Variants in RNF19A observed in about 807,000 individuals in gnomAD.
The protein encoded by RNF19A is ring finger protein 19A, RBR E3 ubiquitin protein ligase, also known as E3 ubiquitin-protein ligase RNF19A.
Under a neutral mutation model 75.7 loss-of-function variants are expected in RNF19A, and 32 were observed. The observed-to-expected ratio is 0.42, with a 90% CI of 0.32 to 0.57. RNF19A has a LOEUF of 0.57. RNF19A is among the 20% of genes least tolerant of loss of function. The pLI is 0.10. For synonymous variants in RNF19A, 335 were observed against 345.2 expected (o/e 0.97, Z 0.33); for missense variants, 782 against 1,036.3 (o/e 0.75, Z 3.37).
chr8:100,305,878 C>T (rs1420510530), intron 1 of RNF19A, among the ~76,000 whole-genome samples: 3 of 152,142 alleles, frequency 2.0e-5, no homozygotes, highest in Admixed American at 6.5e-5. Context: ...CAATACGTGA[C>T]TTAGAAATCA....
chr8:100,282,121 G>C (rs901683307), intron 2 of RNF19A, among the ~76,000 whole-genome samples: 1 of 152,158 alleles, frequency 6.6e-6, no homozygotes, highest in Non-Finnish European at 1.5e-5. Flanking sequence ...CATTTTGGCT[G>C]CATATCCAAA....
intron 1 of RNF19A, chr8:100,309,636 CCGGGTAGG>C: frequency 1.1e-6 from 1 of 929,394 alleles, no homozygotes; most frequent in South Asian, 4.9e-5. Context: ...CGCGCCTGGG[CCGGGTAGG>C]GGACCCGGAG....
intron 1 of RNF19A, among the ~76,000 whole-genome samples, chr8:100,305,364 T>TC (rs1822023399): frequency 6.6e-6 from 1 of 152,256 alleles, no homozygotes; most frequent in Non-Finnish European, 1.5e-5. Context: ...GACACATCAA[T>TC]CAGTTAGAAA....
At chr8:100,295,594 A>T (rs1821518365) in intron 1 of RNF19A, among the ~76,000 whole-genome samples, 1 of 152,222 alleles carries the variant, frequency 6.6e-6, no homozygotes, top group Non-Finnish European at 1.5e-5. Context: ...GTCTTTGTGC[A>T]GCATTTACTA....
At chr8:100,292,136 T>A (rs1821327174) in intron 1 of RNF19A, among the ~76,000 whole-genome samples, 1 of 152,202 alleles carries the variant, frequency 6.6e-6, no homozygotes, top group Non-Finnish European at 1.5e-5. Context: ...TTAAATGCTG[T>A]ATTCTGTATT....
intron 2 of RNF19A, among the ~76,000 whole-genome samples, chr8:100,286,520 G>A (rs1453522581): frequency 6.6e-6 from 1 of 152,194 alleles, no homozygotes; most frequent in Non-Finnish European, 1.5e-5. Context: ...ATTGGGATTT[G>A]CACAGGCAGG....
At chr8:100,268,735 C>T (rs1820113215) in intron 5 of RNF19A, 50 bp downstream of exon 5, 1 of 1,204,564 alleles carries the variant, frequency 8.3e-7, no homozygotes, top group Non-Finnish European at 1.1e-6. Context: ...AAAGAATACA[C>T]CTAAAGATTT....
chr8:100,334,010 T>C (rs964699713), intron 1 of RNF19A, among the ~76,000 whole-genome samples: 1 of 152,242 alleles, frequency 6.6e-6, no homozygotes, highest in African/African-American at 2.4e-5. Context: ...TCCACCCTAG[T>C]TGGACTGGTC....
intron 1 of RNF19A, chr8:100,300,438 G>A (rs1441585156): frequency 1.3e-5 from 2 of 152,144 alleles, no homozygotes; most frequent in Non-Finnish European, 2.9e-5. Flanking sequence ...CAGATTACTC[G>A]AAATTAGGAG....
At chr8:100,328,043 A>G (rs1822558127) in intron 1 of RNF19A, among the ~76,000 whole-genome samples, 1 of 152,196 alleles carries the variant, frequency 6.6e-6, no homozygotes, top group Non-Finnish European at 1.5e-5. Flanking sequence ...TTTTATAAGA[A>G]TGGCTGTCTT....
intron 1 of RNF19A, among the ~76,000 whole-genome samples, chr8:100,292,433 T>TGGGGGGG (rs150468171): frequency 1.4e-5 from 2 of 140,620 alleles, no homozygotes; most frequent in African/African-American, 5.1e-5. Flanking sequence ...TGCTATCATA[T>TGGGGGGG]GGGTGTGTGT....
chr8:100,325,732 T>C lies in RNF19A; in HGVS notation c.-243+10376A>G, dbSNP rs1331594498. Among the ~76,000 whole-genome samples, 1 of 151,846 alleles carries C rather than the reference T, an allele frequency of 6.6e-6. No homozygotes were observed. Among genetic ancestry groups the C allele is most frequent in the Non-Finnish European group, 1.5e-5 (1 of 67,960 alleles). On this transcript the variant is annotated intron_variant, in intron 1 of 3. Coordinates refer to the RNF19A transcript ENST00000519527. This position sits in a 1 kb window ranked among gnomAD's most constrained non-coding sequence, Gnocchi z 4.3. ...TGCAGAAAATATCTGTGGATGTTTA[T>C]GGATGGTATATGTATTTATGTGTGA...
intron 1 of RNF19A, among the ~76,000 whole-genome samples, chr8:100,288,558 C>A (rs1821140636): frequency 6.6e-6 from 1 of 152,112 alleles, no homozygotes; most frequent in South Asian, 2.1e-4. Context: ...TTTAGCAGGT[C>A]TTTTTGTTGT....
chr8:100,290,595 G>A lies in RNF19A; in HGVS notation c.-93-2328C>T, dbSNP rs115601535. Among the ~76,000 whole-genome samples the A allele has an allele frequency of 4.9e-3, 747 of 152,062 alleles. 4 individuals are homozygous for A. The highest frequency in any genetic ancestry group is 0.027 in the Middle Eastern group (8 of 294). ...AAACAAACTTCACCTCATGTCCCTCGGTTTATATTTCCCTTCACAAACACA... is the reference window on the plus strand; with the variant it reads ...AAACAAACTTCACCTCATGTCCCTCAGTTTATATTTCCCTTCACAAACACA... On this transcript the variant is annotated intron_variant, in intron 1 of 9. Coordinates refer to ENST00000341084, the MANE Select transcript of RNF19A (RefSeq NM_183419.4).
At chr8:100,292,435 G>GGGGGGGGTGTGT in intron 1 of RNF19A, among the ~76,000 whole-genome samples, 1 of 145,432 alleles carries the variant, frequency 6.9e-6, no homozygotes, top group South Asian at 2.2e-4. Flanking sequence ...CTATCATATG[G>GGGGGGGGTGTGT]GTGTGTGTGT....
chr8:100,304,446 T>C (rs1404644421), intron 1 of RNF19A, among the ~76,000 whole-genome samples: 2 of 152,172 alleles, frequency 1.3e-5, no homozygotes, highest in Non-Finnish European at 2.9e-5. Context: ...TCTAAATGGT[T>C]ACTTTATTTT....
At chr8:100,283,699 AT>A (rs1441943890) in intron 2 of RNF19A, among the ~76,000 whole-genome samples, 1 of 152,232 alleles carries the variant, frequency 6.6e-6, no homozygotes, top group Non-Finnish European at 1.5e-5. Flanking sequence ...TTTAAGTAAA[AT>A]TAATGTCAGA....
rs1052310012 is a variant in RNF19A, at chr8:100,284,946, A to G, written c.674+2555T>C. ...GTATACTAAGCATGAACTGGAAATC[A>G]GAACCTTTATTTACCAGTGGCTTTA... On this transcript the variant is annotated intron_variant, in intron 2 of 9. Coordinates refer to ENST00000341084, the MANE Select transcript of RNF19A (RefSeq NM_183419.4). This position sits in a 1 kb window ranked among gnomAD's most constrained non-coding sequence, Gnocchi z 4.3. Among the ~76,000 whole-genome samples, 1 of 152,184 alleles carries G rather than the reference A, an allele frequency of 6.6e-6. No homozygotes were observed. Among genetic ancestry groups the G allele is most frequent in the South Asian group, 2.1e-4 (1 of 4,824 alleles).
At position 100,332,160 on chromosome 8, in the gene RNF19A, T is replaced by G. The variant is rs1290904896; in HGVS notation, c.-243+3948A>C. On this transcript the variant is annotated intron_variant, in intron 1 of 3. Coordinates refer to the RNF19A transcript ENST00000519527. This position sits in a 1 kb window ranked among gnomAD's most constrained non-coding sequence, Gnocchi z 4.8. ...TTGCTGGTTTAAAGGATATGTCCAC[T>G]TTCCATACTGATATCTGATTTGGTT... Among the ~76,000 whole-genome samples, 2 of 152,246 alleles carry G rather than the reference T, an allele frequency of 1.3e-5. No individual in the cohort carries two copies. The highest frequency in any genetic ancestry group is 2.9e-5 in the Non-Finnish European group (2 of 68,040).
Sources: gnomAD v4.1 joint callset for allele counts (sites outside exome capture counted in the v4.1 genomes callset) on GRCh38, gnomAD v4.1.1 for gene constraint, Gnocchi (gnomAD v3.1) non-coding constraint, MANE v1.5 for transcripts, NCBI Gene and HGNC (gene_info 2026-07-23, HGNC 2026-07-21) for gene names.